Variants in AHCYL2 observed in about 807,000 individuals in gnomAD.
The protein encoded by AHCYL2 is adenosylhomocysteinase like 2, also known as S-adenosylhomocysteine hydrolase-like protein 2.
In AHCYL2, 28 loss-of-function variants were observed where a neutral mutation model predicts 81.4. The observed-to-expected ratio is 0.34, with a 90% CI of 0.25 to 0.47. AHCYL2 has a LOEUF of 0.47. AHCYL2 is among the 20% of genes least tolerant of loss of function. AHCYL2 has a pLI of 1.00. For missense variants in AHCYL2, 551 were observed against 785.1 expected (o/e 0.70, Z 3.56); for synonymous variants, 272 against 290.2 (o/e 0.94, Z 0.64).
chr7:129,244,627 G>A (rs1412661869), intron 1 of AHCYL2, among the ~76,000 whole-genome samples: 1 of 152,038 alleles, frequency 6.6e-6, no homozygotes, highest in African/African-American at 2.4e-5. Context: ...CTTTTATGAG[G>A]GCACTAATCT....
chr7:129,361,506 A>G (rs1467181547), intron 1 of AHCYL2, among the ~76,000 whole-genome samples: 2 of 152,340 alleles, frequency 1.3e-5, no homozygotes, highest in East Asian at 3.9e-4. Context: ...GGCACCCAGT[A>G]AATATTTGTG....
intron 6 of AHCYL2, among the ~76,000 whole-genome samples, chr7:129,402,601 T>C (rs1269532681): frequency 6.6e-6 from 1 of 152,236 alleles, no homozygotes; most frequent in African/African-American, 2.4e-5. Context: ...AGCTGGTTTT[T>C]CTTTAGTTTT....
chr7:129,413,716 G>C (rs1381349900), intron 12 of AHCYL2, 28 bp downstream of exon 12: 4 of 1,591,760 alleles, frequency 2.5e-6, no homozygotes, highest in Non-Finnish European at 3.4e-6. Flanking sequence ...ATTATTGGGG[G>C]CTTTTTTCTC....
At chr7:129,388,729 T>C (rs570841629) in intron 2 of AHCYL2, 1 of 223,582 alleles carries the variant, frequency 4.5e-6, no homozygotes, top group South Asian at 9.4e-5. Flanking sequence ...CAAAAACCCA[T>C]ATGTTAATGA....
Position 129,311,773 on chromosome 7 carries a change from C to CT in AHCYL2, c.364-67862dup, listed in dbSNP as rs200282404. Among the ~76,000 whole-genome samples, 518 of 152,276 alleles carry CT rather than the reference C, an allele frequency of 3.4e-3. 1 individual carries two copies. The highest frequency in any genetic ancestry group is 0.012 in the African/African-American group (501 of 41,558). On this transcript the variant is annotated intron_variant, in intron 1 of 16. Coordinates refer to ENST00000325006, the MANE Select transcript of AHCYL2 (RefSeq NM_015328.4). ...ATAGCCTTCCAGATGGTCTCTGCTTCTTTATTGCTGTTTCCGTCGTCTGTT... is the reference window on the plus strand; with the variant it reads ...ATAGCCTTCCAGATGGTCTCTGCTTCTTTTATTGCTGTTTCCGTCGTCTGTT...
At chr7:129,254,019 A>C (rs1290719385) in intron 1 of AHCYL2, among the ~76,000 whole-genome samples, 2 of 152,202 alleles carry the variant, frequency 1.3e-5, no homozygotes, top group African/African-American at 4.8e-5. Context: ...TTATTTCACA[A>C]AATCAAAATA....
chr7:129,287,811 T>C (rs186978785), intron 1 of AHCYL2, among the ~76,000 whole-genome samples: 2 of 152,322 alleles, frequency 1.3e-5, no homozygotes, highest in African/African-American at 4.8e-5. Flanking sequence ...ACTGTTTCTT[T>C]TGAATGTTTT....
chr7:129,404,608 G>A (rs1050991538), intron 7 of AHCYL2, among the ~76,000 whole-genome samples: 1 of 152,228 alleles, frequency 6.6e-6, no homozygotes, highest in Non-Finnish European at 1.5e-5. Context: ...CCTGGAGGCA[G>A]AGGTTGCAGT....
chr7:129,364,833 AT>A (rs776582874), intron 1 of AHCYL2, among the ~76,000 whole-genome samples: 16 of 152,344 alleles, frequency 1.1e-4, no homozygotes, highest in Non-Finnish European at 2.4e-4. Context: ...AGATAATATA[AT>A]TAAGGACTAA....
At chr7:129,267,842 CTGTG>C (rs1795870068) in intron 1 of AHCYL2, among the ~76,000 whole-genome samples, 1 of 152,028 alleles carries the variant, frequency 6.6e-6, no homozygotes, top group Admixed American at 6.5e-5. Flanking sequence ...AGTGGATGCT[CTGTG>C]TGATAACAGA....
At chr7:129,423,067 G>A (rs1324184311) in intron 13 of AHCYL2, 129 bp downstream of exon 13, 6 of 651,100 alleles carry the variant, frequency 9.2e-6, no homozygotes, top group Non-Finnish European at 1.5e-5. Flanking sequence ...CTTTCCCAAT[G>A]GATTTTACTT....
At chr7:129,237,556 AT>A (rs5887419) in intron 1 of AHCYL2, among the ~76,000 whole-genome samples, 132,867 of 149,462 alleles carry the variant, frequency 0.89, 60,694 homozygotes, top group Non-Finnish European at 0.99. Context: ...TATTTTAGCG[AT>A]TTTTTTTTTT....
chr7:129,389,768 T>G, intron 4 of AHCYL2, 34 bp downstream of exon 4: 3 of 1,547,546 alleles, frequency 1.9e-6, no homozygotes, highest in Non-Finnish European at 2.6e-6. Context: ...TTAATTACAA[T>G]AGTTAATAAT....
chr7:129,299,148 G>A (rs934814051), intron 1 of AHCYL2, among the ~76,000 whole-genome samples: 1 of 151,326 alleles, frequency 6.6e-6, no homozygotes, highest in Non-Finnish European at 1.5e-5. Flanking sequence ...GGACAGACTG[G>A]AAATTTTTCA....
intron 1 of AHCYL2, among the ~76,000 whole-genome samples, chr7:129,244,357 AACCAATTGTTGACTGAG>A (rs1463826132): frequency 6.6e-6 from 1 of 152,128 alleles, no homozygotes; most frequent in African/African-American, 2.4e-5. Flanking sequence ...CCATATGGAC[AACCAATTGTTGACTGAG>A]TATGTCTTTT....
intron 1 of AHCYL2, among the ~76,000 whole-genome samples, chr7:129,321,762 TTTGG>T (rs1798034434): frequency 7.4e-6 from 1 of 134,882 alleles, no homozygotes; most frequent in African/African-American, 3.3e-5. Context: ...TTTTTTTTTT[TTTGG>T]TCTTGGTTTT....
Position 129,225,283 on chromosome 7 carries a change from C to T in AHCYL2, c.207C>T (p.Pro69=). The part of the protein sequence containing the change: ...RPPVPGPGSG[P]AAALSPAAGK... ...CGGTCCCCGGCCCGGGCTCGGGGCC[C>T]GCCGCCGCTCTCAGCCCCGCCGCCG... Residue 69 remains proline (P), a synonymous_variant, in exon 1 of 17, where the codon CCC becomes CCT. Transcript: ENST00000325006. 2 of 1,457,160 alleles carry T rather than the reference C, an allele frequency of 1.4e-6. No homozygotes were observed. Among genetic ancestry groups the T allele is most frequent in the Non-Finnish European group, 1.8e-6 (2 of 1,113,292 alleles). The allele number at this position is 1,457,160 out of a possible 1,614,324, so 90.3% of individuals were successfully genotyped here. A position where few individuals can be genotyped will look rare whatever the true frequency, so the allele number is the denominator to read the frequency against.
At chr7:129,256,510 T>C (rs1163402387) in intron 1 of AHCYL2, among the ~76,000 whole-genome samples, 1 of 149,464 alleles carries the variant, frequency 6.7e-6, no homozygotes, top group Non-Finnish European at 1.5e-5. Context: ...ATACACACCA[T>C]TTACCATTTT....
At chr7:129,238,951 C>CA (rs879299535) in intron 1 of AHCYL2, among the ~76,000 whole-genome samples, 11 of 150,498 alleles carry the variant, frequency 7.3e-5, no homozygotes, top group South Asian at 6.3e-4. Context: ...AACTCCGTCT[C>CA]AAAAAAAAAG....
Sources: gnomAD v4.1 joint callset for allele counts (sites outside exome capture counted in the v4.1 genomes callset) on GRCh38, gnomAD v4.1.1 for gene constraint, MANE v1.5 for transcripts, NCBI Gene and HGNC (gene_info 2026-07-23, HGNC 2026-07-21) for gene names.